Variants in COG5 observed in about 807,000 individuals in gnomAD.
The protein encoded by COG5 is component of oligomeric golgi complex 5, also known as conserved oligomeric Golgi complex subunit 5.
In COG5, 86 loss-of-function variants were observed where a neutral mutation model predicts 110.4. That is an observed-to-expected ratio of 0.78 (90% CI 0.65 to 0.93). The LOEUF is 0.93. COG5 is among the 40% of genes least tolerant of loss of function. COG5 has a pLI of 0.00. For missense variants in COG5, 1,077 were observed against 987.0 expected, an observed-to-expected ratio of 1.09 and a Z score of -1.22; for synonymous variants, 360 against 334.6, an observed-to-expected ratio of 1.08 and a Z score of -0.83.
chr7:107,233,398 G>T (rs1486498351), intron 18 of COG5, among the ~76,000 whole-genome samples: 1 of 152,162 alleles, frequency 6.6e-6, no homozygotes, highest in Admixed American at 6.5e-5. Flanking sequence ...CCATGACCTG[G>T]ATTCCTAAGG....
chr7:107,403,498 T>C (rs1259568738), intron 7 of COG5, among the ~76,000 whole-genome samples: 2 of 151,928 alleles, frequency 1.3e-5, no homozygotes, highest in African/African-American at 4.8e-5. Context: ...CATCAACCCG[T>C]CACCTACATT....
At chr7:107,297,017 C>G (rs182526476) in intron 12 of COG5, among the ~76,000 whole-genome samples, 2 of 152,118 alleles carry the variant, frequency 1.3e-5, no homozygotes, top group Admixed American at 1.3e-4. Context: ...AAAAGCTGGG[C>G]GGGCTAAACT....
intron 7 of COG5, among the ~76,000 whole-genome samples, chr7:107,373,878 G>A (rs1329822727): frequency 6.6e-6 from 1 of 152,060 alleles, no homozygotes; most frequent in Non-Finnish European, 1.5e-5. Flanking sequence ...ATTTTAGAAG[G>A]TTACCTCTGA....
At chr7:107,393,334 T>C (rs1419362773) in intron 7 of COG5, among the ~76,000 whole-genome samples, 2 of 152,150 alleles carry the variant, frequency 1.3e-5, no homozygotes, top group Non-Finnish European at 2.9e-5. Flanking sequence ...TCTGTGCCCC[T>C]AGGTGGTCTG....
At chr7:107,475,508 C>CAT in intron 6 of COG5, 1 of 513,310 alleles carries the variant, frequency 1.9e-6, no homozygotes, top group Non-Finnish European at 3.5e-6. Flanking sequence ...TTAGATAGGT[C>CAT]ATATATATTC....
chr7:107,211,018 C>T, intron 20 of COG5, 81 bp downstream of exon 20: 1 of 1,497,810 alleles, frequency 6.7e-7, no homozygotes, highest in South Asian at 1.1e-5. Context: ...GGCCAGGAAT[C>T]ATTCAGTGAG....
At chr7:107,268,942 C>G (rs970599534) in intron 14 of COG5, among the ~76,000 whole-genome samples, 28 of 152,120 alleles carry the variant, frequency 1.8e-4, no homozygotes, top group African/African-American at 6.7e-4. Flanking sequence ...ATGTCAGTGG[C>G]CAGTTTAGTA....
At position 107,454,626 on chromosome 7, in the gene COG5, C is replaced by T. The variant is rs965168125; in HGVS notation, c.539-41994G>A. ...TTATAGTTTTTTAAACCCATAGTATCATAAGAAAAATGAAGAAGAGATTCT... is the reference window on the plus strand; with the variant it reads ...TTATAGTTTTTTAAACCCATAGTATTATAAGAAAAATGAAGAAGAGATTCT... On this transcript the variant is annotated intron_variant, in intron 6 of 21. Transcript: ENST00000297135. Among the ~76,000 whole-genome samples the T allele has an allele frequency of 4.6e-5, 7 of 152,124 alleles. No individual in the cohort carries two copies. The East Asian group carries it at 5.8e-4, about 13-fold the overall frequency.
Position 107,508,149 on chromosome 7 carries a change from A to T in COG5, c.538+19088T>A, listed in dbSNP as rs544844305. On this transcript the variant is annotated intron_variant, in intron 6 of 21. Coordinates refer to ENST00000297135, the MANE Select transcript of COG5 (RefSeq NM_006348.5). Reference sequence around the variant, plus strand: ...CCTAGTCAAAGAAAGGGGTGACAGAAGGCACCTGGAAAATCGGGTAACTCC... The same window carrying T: ...CCTAGTCAAAGAAAGGGGTGACAGATGGCACCTGGAAAATCGGGTAACTCC... 3.9e-5 allele frequency among the ~76,000 whole-genome samples: 6 copies of T among 152,332 alleles called. No homozygotes were observed. The East Asian group carries it at 1.2e-3, about 29-fold the overall frequency.
At chr7:107,488,588 T>C (rs1277515149) in intron 6 of COG5, among the ~76,000 whole-genome samples, 1 of 152,220 alleles carries the variant, frequency 6.6e-6, no homozygotes, top group African/African-American at 2.4e-5. Context: ...CTCACGCCTG[T>C]AATCCCAGCG....
chr7:107,318,059 C>T (rs763177238), intron 11 of COG5, among the ~76,000 whole-genome samples: 30 of 151,918 alleles, frequency 2.0e-4, no homozygotes, highest in South Asian at 8.3e-4. Context: ...TACAGAGGTT[C>T]GCTCTGTTGC....
At chr7:107,515,940 G>C (rs1799890194) in intron 6 of COG5, among the ~76,000 whole-genome samples, 1 of 152,162 alleles carries the variant, frequency 6.6e-6, no homozygotes, top group African/African-American at 2.4e-5. Context: ...TGGCAGCCAT[G>C]AATGTAGTTA....
At chr7:107,482,902 C>A (rs910765978) in intron 6 of COG5, among the ~76,000 whole-genome samples, 5 of 152,122 alleles carry the variant, frequency 3.3e-5, no homozygotes, top group African/African-American at 1.2e-4. Flanking sequence ...AAGTACTATT[C>A]TTGCACATTT....
chr7:107,309,464 G>C (rs1172283636), intron 11 of COG5, among the ~76,000 whole-genome samples: 2 of 152,066 alleles, frequency 1.3e-5, no homozygotes, highest in Non-Finnish European at 2.9e-5. Context: ...CTATAGCATG[G>C]AACAGAGGTA....
chr7:107,403,809 A>G (rs1416222560), intron 7 of COG5, among the ~76,000 whole-genome samples: 1 of 152,182 alleles, frequency 6.6e-6, no homozygotes, highest in Non-Finnish European at 1.5e-5. Flanking sequence ...TAGGATTTCA[A>G]CATAAGGAGA....
At position 107,474,818 on chromosome 7, in the gene COG5, A is replaced by G. The variant is rs1204778106; in HGVS notation, c.538+52419T>C. ...AGATTTTCAACAGGGCAGAAGAAGAAAGCAAGAAAGAAAAAGACAATTTCT... is the reference window on the plus strand; with the variant it reads ...AGATTTTCAACAGGGCAGAAGAAGAGAGCAAGAAAGAAAAAGACAATTTCT... On this transcript the variant is annotated intron_variant, in intron 6 of 21. Coordinates refer to ENST00000297135, the MANE Select transcript of COG5 (RefSeq NM_006348.5). The surrounding 1 kb of genome is among the most constrained non-coding windows in gnomAD (Gnocchi z 5.7). 1 of 1,613,178 alleles carries G rather than the reference A, an allele frequency of 6.2e-7. No individual in the cohort carries two copies. Among genetic ancestry groups the G allele is most frequent in the African/African-American group, 1.3e-5 (1 of 75,006 alleles).
At chr7:107,411,474 A>T (rs1002613963) in intron 7 of COG5, among the ~76,000 whole-genome samples, 3 of 152,146 alleles carry the variant, frequency 2.0e-5, no homozygotes, top group East Asian at 3.9e-4. Context: ...ATCTTTGGGG[A>T]AGCCAGAAGA....
intron 10 of COG5, among the ~76,000 whole-genome samples, chr7:107,351,217 C>A (rs985994590): frequency 6.6e-6 from 1 of 152,104 alleles, no homozygotes; most frequent in South Asian, 2.1e-4. Context: ...GAAAGGATTC[C>A]CTGTTTAATA....
At chr7:107,512,975 A>G (rs1799641020) in intron 6 of COG5, among the ~76,000 whole-genome samples, 1 of 152,132 alleles carries the variant, frequency 6.6e-6, no homozygotes, top group Admixed American at 6.6e-5. Flanking sequence ...ACCATTCAGG[A>G]TATAGGCATG....
Sources: gnomAD v4.1 joint callset for allele counts (sites outside exome capture counted in the v4.1 genomes callset) on GRCh38, gnomAD v4.1.1 for gene constraint, Gnocchi (gnomAD v3.1) non-coding constraint, MANE v1.5 for transcripts, NCBI Gene and HGNC (gene_info 2026-07-23, HGNC 2026-07-21) for gene names.